Variants in ATP8A2 observed in about 807,000 individuals in gnomAD.
ATP8A2 encodes phospholipid-transporting ATPase IB.
A neutral mutation model predicts 165.6 loss-of-function variants in ATP8A2; 100 were observed. The observed-to-expected ratio is 0.60, with a 90% CI of 0.51 to 0.71. The LOEUF is 0.71. Among genes scored for constraint, ATP8A2 ranks in the 30% least tolerant of loss-of-function variants. The probability of loss-of-function intolerance (pLI) is 0.00; values close to 1 mark genes in which losing one functional copy is unlikely to be tolerated. For synonymous variants in ATP8A2, 543 were observed against 548.8 expected (o/e 0.99, Z 0.15); for missense variants, 1,227 against 1,479.5 (o/e 0.83, Z 2.80).
chr13:26,019,120 G>GT (rs1236689985), intron 36 of ATP8A2, among the ~76,000 whole-genome samples: 1 of 152,188 alleles, frequency 6.6e-6, no homozygotes, highest in East Asian at 1.9e-4. Flanking sequence ...AGGGCTGGGT[G>GT]TGGTGGCTCA....
At chr13:25,711,284 C>T (rs552815997) in intron 25 of ATP8A2, among the ~76,000 whole-genome samples, 10 of 152,120 alleles carry the variant, frequency 6.6e-5, no homozygotes, top group African/African-American at 2.4e-4. Flanking sequence ...GGATTACAGG[C>T]GTGAGCTACC....
At chr13:25,594,277 A>G (rs1319977238) in intron 24 of ATP8A2, among the ~76,000 whole-genome samples, 1 of 152,260 alleles carries the variant, frequency 6.6e-6, no homozygotes, top group Non-Finnish European at 1.5e-5. Flanking sequence ...TTGTTAGTAA[A>G]GGACAAAAAG....
intron 6 of ATP8A2, among the ~76,000 whole-genome samples, chr13:25,535,166 G>GT (rs2038237753): frequency 6.6e-6 from 1 of 152,210 alleles, no homozygotes; most frequent in South Asian, 2.1e-4. Flanking sequence ...GGAACTGTGA[G>GT]TAGTTCAATG....
intron 1 of ATP8A2, among the ~76,000 whole-genome samples, chr13:25,421,745 A>C (rs1298705250): frequency 2.0e-5 from 3 of 152,246 alleles, no homozygotes; most frequent in Non-Finnish European, 4.4e-5. Flanking sequence ...AAAAGAAAAC[A>C]AACATGGAGT....
intron 33 of ATP8A2, among the ~76,000 whole-genome samples, chr13:25,917,105 C>T (rs780635682): frequency 1.3e-5 from 2 of 152,190 alleles, no homozygotes; most frequent in Non-Finnish European, 2.9e-5. Flanking sequence ...TGACTCTAGC[C>T]GCCCATGCCT....
chr13:25,480,871 G>A (rs1388238400), intron 2 of ATP8A2, among the ~76,000 whole-genome samples: 2 of 151,744 alleles, frequency 1.3e-5, no homozygotes, highest in African/African-American at 2.4e-5. Context: ...GCACCATTGA[G>A]CACTGAGTGA....
At chr13:25,754,075 G>A (rs1001131096) in intron 25 of ATP8A2, among the ~76,000 whole-genome samples, 5 of 152,218 alleles carry the variant, frequency 3.3e-5, no homozygotes, top group Admixed American at 6.5e-5. Flanking sequence ...TTATCACTGC[G>A]TAACGCCTTG....
chr13:25,805,660 C>T (rs982988684), intron 27 of ATP8A2, among the ~76,000 whole-genome samples: 1 of 152,166 alleles, frequency 6.6e-6, no homozygotes, highest in Non-Finnish European at 1.5e-5. Flanking sequence ...TATATAGTCT[C>T]CATATGTATT....
chr13:25,755,635 G>A (rs1988336), intron 25 of ATP8A2, among the ~76,000 whole-genome samples: 89,715 of 152,046 alleles, frequency 0.59, 27,831 homozygotes, highest in Middle Eastern at 0.71. Context: ...GGCCGAGCAC[G>A]GTGGCTCATG....
chr13:25,384,335 T>A (rs1213553751), intron 1 of ATP8A2, among the ~76,000 whole-genome samples: 1 of 152,240 alleles, frequency 6.6e-6, no homozygotes, highest in Non-Finnish European at 1.5e-5. Flanking sequence ...ACTGGAAAGA[T>A]CTTGCAATCT....
At chr13:25,664,763 G>T (rs565022437) in intron 24 of ATP8A2, among the ~76,000 whole-genome samples, 2 of 152,260 alleles carry the variant, frequency 1.3e-5, no homozygotes, top group African/African-American at 4.8e-5. Context: ...CATCCCAATT[G>T]CTACCTGGAT....
At chr13:25,522,754 G>C (rs1265418281) in intron 2 of ATP8A2, among the ~76,000 whole-genome samples, 1 of 152,176 alleles carries the variant, frequency 6.6e-6, no homozygotes, top group East Asian at 1.9e-4. Context: ...TCCCTGAGAA[G>C]AATTCCACTT....
chr13:25,462,129 A>C (rs2035521201), intron 1 of ATP8A2, among the ~76,000 whole-genome samples: 1 of 152,234 alleles, frequency 6.6e-6, no homozygotes, highest in African/African-American at 2.4e-5. Flanking sequence ...ATTTGAGCTA[A>C]TATGGTTTTG....
Position 25,707,317 on chromosome 13 carries a change from A to T in ATP8A2, c.2384+7972A>T, listed in dbSNP as rs550036206. On this transcript the variant is annotated intron_variant, in intron 25 of 36. Transcript: ENST00000381655. The stretch of plus-strand genomic sequence containing the variant: ...TCTCATCTTAAATACCTATTGCAGC[A>T]AATAATTTATATGAATTACTCTATA... Among the ~76,000 whole-genome samples the T allele has an allele frequency of 2.6e-5, 4 of 152,330 alleles. 1 individual carries two copies. In the South Asian group the frequency reaches 8.3e-4, roughly 32 times the overall value.
intron 35 of ATP8A2, among the ~76,000 whole-genome samples, chr13:25,981,213 G>C (rs997266664): frequency 2.0e-5 from 3 of 152,132 alleles, no homozygotes; most frequent in African/African-American, 7.2e-5. Flanking sequence ...TTTTGTTCTT[G>C]ATTATATTTA....
intron 35 of ATP8A2, among the ~76,000 whole-genome samples, chr13:25,978,234 T>C (rs1362634645): frequency 6.6e-6 from 1 of 152,234 alleles, no homozygotes; most frequent in Non-Finnish European, 1.5e-5. Flanking sequence ...GGTCACATAA[T>C]TTGAATAGTG....
chr13:25,417,365 A>C (rs746078074), intron 1 of ATP8A2, among the ~76,000 whole-genome samples: 14 of 144,572 alleles, frequency 9.7e-5, no homozygotes, highest in Non-Finnish European at 1.7e-4. Flanking sequence ...CTGGCTTCTA[A>C]GTCCTGCCTT....
intron 1 of ATP8A2, among the ~76,000 whole-genome samples, chr13:25,399,416 TGAGACGGA>T (rs1593254716): frequency 4.2e-4 from 59 of 141,886 alleles, no homozygotes; most frequent in East Asian, 1.0e-3. Context: ...TTTTTTTTTT[TGAGACGGA>T]GTTTCGCTCT....
At chr13:25,876,854 G>A (rs1013991210) in intron 33 of ATP8A2, among the ~76,000 whole-genome samples, 4 of 152,110 alleles carry the variant, frequency 2.6e-5, no homozygotes, top group Admixed American at 2.6e-4. Context: ...TTGGGGCATT[G>A]TAATAGTTTT....
Sources: allele counts gnomAD v4.1 joint callset (sites outside exome capture counted in the v4.1 genomes callset), GRCh38; gene constraint gnomAD v4.1.1; transcripts MANE v1.5; gene names NCBI Gene and HGNC (gene_info 2026-07-23, HGNC 2026-07-21).